The following USP28 variants were observed in gnomAD, a reference collection of about 807,000 sequenced individuals.
The protein encoded by USP28 is ubiquitin specific peptidase 28, also known as ubiquitin carboxyl-terminal hydrolase 28.
In USP28, 113 loss-of-function variants were observed where a neutral mutation model predicts 145.0. That is an observed-to-expected ratio of 0.78 (90% CI 0.67 to 0.91). The LOEUF (loss-of-function observed/expected upper bound fraction) is 0.91. Among genes scored for constraint, USP28 ranks in the 40% least tolerant of loss-of-function variants. The probability of loss-of-function intolerance (pLI) is 0.00; values close to 1 mark genes in which losing one functional copy is unlikely to be tolerated. For missense variants in USP28, 1,201 were observed against 1,289.6 expected, an observed-to-expected ratio of 0.93 and a Z score of 1.05; for synonymous variants, 447 against 450.9, an observed-to-expected ratio of 0.99 and a Z score of 0.11.
chr11:113,818,053 G>A (rs1337171450), intron 12 of USP28: 1 of 441,222 alleles, frequency 2.3e-6, no homozygotes, highest in Admixed American at 4.0e-5. Context: ...TATCTGGCAG[G>A]AAACATTTCA....
intron 1 of USP28, among the ~76,000 whole-genome samples, 174 bp downstream of exon 1, chr11:113,875,271 G>C (rs1384201897): frequency 6.6e-6 from 1 of 151,916 alleles, no homozygotes; most frequent in Non-Finnish European, 1.5e-5. Flanking sequence ...CAATCTCCGC[G>C]GCCCGAGCCC....
chr11:113,812,360 C>A lies in USP28; in HGVS notation c.1888G>T (p.Glu630Ter), dbSNP rs1941127702. 1 of 1,613,990 alleles carries A rather than the reference C, an allele frequency of 6.2e-7. No homozygotes were observed. The highest frequency in any genetic ancestry group is 1.3e-5 in the African/African-American group (1 of 74,908). ...CTCAGGCCTCCATAGGAATCTCTTT[C>A]AACTTCTTCCCAGGAAGATTCAGTA... Residue 630 changes from glutamate (E) to a stop codon, truncating the protein, a stop_gained, in exon 16 of 25, where the codon GAA becomes TAA. Coordinates refer to ENST00000003302, the Ensembl canonical transcript of USP28. LOFTEE classifies it high-confidence loss of function.
intron 1 of USP28, chr11:113,874,980 T>G (rs187779880): frequency 8.6e-6 from 8 of 928,672 alleles, no homozygotes; most frequent in Non-Finnish European, 1.0e-5. Flanking sequence ...CCTGGTCTTA[T>G]AGAAGACGGT....
chr11:113,868,659 G>A lies in USP28; in HGVS notation c.57+6786C>T, dbSNP rs545940548. On this transcript the variant is annotated intron_variant, in intron 1 of 24. Coordinates refer to ENST00000003302, the Ensembl canonical transcript of USP28. The stretch of plus-strand genomic sequence containing the variant: ...AAAAGAGATAGGTACCATGGTTCAC[G>A]CCTGTAATCCCAAAACTTTGGGAGG... Among the ~76,000 whole-genome samples the A allele has an allele frequency of 6.6e-5, 10 of 152,222 alleles. 1 individual carries two copies. In the East Asian group the frequency reaches 1.2e-3, roughly 18 times the overall value.
At chr11:113,826,880 T>C (rs1252035191) in intron 11 of USP28, among the ~76,000 whole-genome samples, 2 of 150,178 alleles carry the variant, frequency 1.3e-5, no homozygotes, top group Admixed American at 1.3e-4. Context: ...GATTGCGCCA[T>C]TGCACTCCAG....
chr11:113,837,797 G>A (rs1362224593), intron 5 of USP28, among the ~76,000 whole-genome samples: 2 of 152,110 alleles, frequency 1.3e-5, no homozygotes, highest in East Asian at 3.9e-4. Context: ...GATAGAAACT[G>A]AACATTTTCG....
At chr11:113,852,377 G>C in intron 3 of USP28, 124 bp downstream of exon 3, 1 of 1,326,912 alleles carries the variant, frequency 7.5e-7, no homozygotes, top group African/African-American at 1.5e-5. Context: ...CAATAGCTCA[G>C]TAATAAGCTG....
intron 5 of USP28, 54 bp from the exon 6 acceptor site, chr11:113,834,389 A>C: frequency 8.0e-7 from 1 of 1,248,174 alleles, no homozygotes; most frequent in East Asian, 2.4e-5. Context: ...AACTGCAGCA[A>C]CATATGTATT....
chr11:113,860,154 A>C lies in USP28; in HGVS notation c.58-5819T>G, dbSNP rs569625097. Among the ~76,000 whole-genome samples the C allele has an allele frequency of 2.0e-5, 3 of 152,330 alleles. No individual in the cohort carries two copies. The South Asian group carries it at 6.2e-4, about 32-fold the overall frequency. ...AAACTCTCTGATGAAATAATGCAAA[A>C]TATTTCATTACTAATCGTTAAAACT... On this transcript the variant is annotated intron_variant, in intron 1 of 24. Coordinates refer to ENST00000003302, the Ensembl canonical transcript of USP28.
At chr11:113,820,505 G>A (rs1265004821) in intron 12 of USP28, 1 of 152,154 alleles carries the variant, frequency 6.6e-6, no homozygotes, top group African/African-American at 2.4e-5. Flanking sequence ...CTAGTGATCA[G>A]GCACTTTGGG....
At chr11:113,850,516 A>T (rs751628278) in intron 3 of USP28, among the ~76,000 whole-genome samples, 1 of 152,340 alleles carries the variant, frequency 6.6e-6, no homozygotes, top group Non-Finnish European at 1.5e-5. Flanking sequence ...GAAACATATG[A>T]GAATACTCAC....
exon 10 of USP28, chr11:113,829,275 G>A (rs376985409): frequency 7.1e-5 from 115 of 1,613,980 alleles, no homozygotes; most frequent in Non-Finnish European, 9.2e-5. Context: ...CCAAACACTC[G>A]TCTAAGTTGC....
chr11:113,806,428 T>A, intron 19 of USP28, 61 bp downstream of exon 20: 1 of 1,429,440 alleles, frequency 7.0e-7, no homozygotes, highest in Non-Finnish European at 9.8e-7. Flanking sequence ...TCTTATAGAA[T>A]TATTTCCCCA....
chr11:113,818,742 T>C (rs186347570), intron 12 of USP28, among the ~76,000 whole-genome samples: 7 of 152,136 alleles, frequency 4.6e-5, no homozygotes, highest in African/African-American at 1.7e-4. Context: ...ACTCCTGTAG[T>C]CCCAGCTCCT....
rs1939313861 is a variant in USP28 at position 113,803,006 on chromosome 11, A to G, written c.2862+152T>C. The stretch of plus-strand genomic sequence containing the variant: ...ATTCACTAAAAGTAACTGAAAAAAA[A>G]CCTGTTCCAATGTAAAACTGTTCAT... On this transcript the variant is annotated intron_variant, in intron 23 of 24. Coordinates refer to ENST00000003302, the Ensembl canonical transcript of USP28. The G allele has an allele frequency of 1.5e-5, 12 of 803,758 alleles. No homozygotes were observed. The East Asian group carries it at 3.5e-4, about 23-fold the overall frequency. 49.8% of individuals were successfully genotyped at this position (803,758 alleles called of 1,614,324 possible).
At chr11:113,800,107 G>A (rs958201749) in intron 24 of USP28, among the ~76,000 whole-genome samples, 2 of 151,774 alleles carry the variant, frequency 1.3e-5, no homozygotes, top group African/African-American at 2.4e-5. Flanking sequence ...CCGGGTTCAC[G>A]CCATTCTCCT....
intron 3 of USP28, among the ~76,000 whole-genome samples, chr11:113,844,218 A>T (rs1344859977): frequency 6.6e-6 from 1 of 152,094 alleles, no homozygotes; most frequent in African/African-American, 2.4e-5. Context: ...AGACGGGTGG[A>T]TCACGAGGTC....
At chr11:113,812,289 G>A in exon 16 of USP28, 1 of 1,613,770 alleles carries the variant, frequency 6.2e-7, no homozygotes, top group Non-Finnish European at 8.5e-7. Context: ...CATTGAAGTA[G>A]GGTAGTTTGT....
At chr11:113,840,533 A>T in intron 5 of USP28, 65 bp downstream of exon 5, 1 of 1,554,458 alleles carries the variant, frequency 6.4e-7, no homozygotes, top group Non-Finnish European at 8.7e-7. Flanking sequence ...ATGTTTCTAC[A>T]TTTCAGTTTA....
Sources: gnomAD v4.1 joint callset for allele counts (sites outside exome capture counted in the v4.1 genomes callset) on GRCh38, gnomAD v4.1.1 for gene constraint, MANE v1.5 for transcripts, NCBI Gene and HGNC (gene_info 2026-07-23, HGNC 2026-07-21) for gene names.